Variants in GRM5 observed in about 807,000 individuals in gnomAD.
GRM5 encodes glutamate metabotropic receptor 5.
In GRM5, 19 loss-of-function variants were observed where a neutral mutation model predicts 83.1. The observed-to-expected ratio is 0.23, with a 90% CI of 0.16 to 0.34. The LOEUF (loss-of-function observed/expected upper bound fraction) is 0.34. Among genes scored for constraint, GRM5 ranks in the 10% least tolerant of loss-of-function variants. GRM5 has a pLI of 1.00. For synonymous variants in GRM5, 675 were observed against 633.6 expected (o/e 1.07, Z -0.98); for missense variants, 1,160 against 1,588.3 (o/e 0.73, Z 4.58).
intron 2 of GRM5, among the ~76,000 whole-genome samples, chr11:89,035,699 T>C (rs1170962929): frequency 6.6e-6 from 1 of 152,132 alleles, no homozygotes; most frequent in East Asian, 1.9e-4. Flanking sequence ...TATCACTTTA[T>C]AGAATAAAGG....
intron 4 of GRM5, among the ~76,000 whole-genome samples, chr11:88,617,108 G>A (rs1938505868): frequency 6.6e-6 from 1 of 152,192 alleles, no homozygotes; most frequent in Admixed American, 6.5e-5. Flanking sequence ...TTGTAGAACA[G>A]CACTTGTTTA....
chr11:88,910,608 A>G (rs1331278028), intron 2 of GRM5, among the ~76,000 whole-genome samples: 1 of 152,042 alleles, frequency 6.6e-6, no homozygotes, highest in East Asian at 1.9e-4. Context: ...TTAGACAAAA[A>G]CCTGAACAAT....
intron 2 of GRM5, among the ~76,000 whole-genome samples, chr11:88,984,046 T>C (rs900870965): frequency 1.3e-5 from 2 of 152,186 alleles, no homozygotes; most frequent in East Asian, 1.9e-4. Flanking sequence ...ATTATGATAA[T>C]AAAAAACTTA....
chr11:88,529,596 G>C (rs1941960645), intron 8 of GRM5, among the ~76,000 whole-genome samples: 1 of 151,886 alleles, frequency 6.6e-6, no homozygotes, highest in African/African-American at 2.4e-5. Context: ...ATGTCATTGT[G>C]GAATCCTTAT....
At chr11:88,598,591 C>T (rs1937886826) in intron 5 of GRM5, among the ~76,000 whole-genome samples, 1 of 152,142 alleles carries the variant, frequency 6.6e-6, no homozygotes, top group Admixed American at 6.5e-5. Flanking sequence ...TTCCTTCCCT[C>T]TCGGTCACAA....
At chr11:88,671,492 T>C (rs1433726875) in intron 3 of GRM5, among the ~76,000 whole-genome samples, 1 of 152,036 alleles carries the variant, frequency 6.6e-6, no homozygotes, top group Non-Finnish European at 1.5e-5. Context: ...GTAGCACTAT[T>C]TGAAATAGTC....
intron 3 of GRM5, among the ~76,000 whole-genome samples, chr11:88,725,050 C>A (rs1400134474): frequency 6.6e-6 from 1 of 152,094 alleles, no homozygotes; most frequent in Non-Finnish European, 1.5e-5. Context: ...GATACAGAAC[C>A]ATTCACTCCC....
chr11:89,059,712 G>C (rs1349965859), intron 1 of GRM5, among the ~76,000 whole-genome samples: 4 of 151,938 alleles, frequency 2.6e-5, no homozygotes, highest in Non-Finnish European at 5.9e-5. Flanking sequence ...CAAAGGCCTG[G>C]GTAGGATTGA....
chr11:88,762,833 T>C (rs1349824192), intron 3 of GRM5, among the ~76,000 whole-genome samples: 1 of 151,990 alleles, frequency 6.6e-6, no homozygotes, highest in East Asian at 1.9e-4. Flanking sequence ...TGGAGTACTA[T>C]GCAGTCATAA....
At chr11:88,724,206 C>A (rs1210353545) in intron 3 of GRM5, among the ~76,000 whole-genome samples, 1 of 152,168 alleles carries the variant, frequency 6.6e-6, no homozygotes, top group East Asian at 1.9e-4. Context: ...TGTTACTAAT[C>A]TGCCACTGAG....
chr11:88,603,879 G>C (rs1938070215), intron 5 of GRM5, among the ~76,000 whole-genome samples: 1 of 152,180 alleles, frequency 6.6e-6, no homozygotes, highest in African/African-American at 2.4e-5. Flanking sequence ...AGTTTTCCAA[G>C]CACAGTTGTT....
At chr11:88,536,595 A>G (rs971804155) in intron 8 of GRM5, among the ~76,000 whole-genome samples, 1 of 152,138 alleles carries the variant, frequency 6.6e-6, no homozygotes, top group Non-Finnish European at 1.5e-5. Flanking sequence ...AGCACATTCA[A>G]TTCTGTTCCC....
intron 2 of GRM5, among the ~76,000 whole-genome samples, chr11:88,978,510 A>AAAAAAAAAAAC (rs1939414843): frequency 7.3e-6 from 1 of 137,788 alleles, no homozygotes; most frequent in African/African-American, 3.1e-5. Flanking sequence ...AAAAAAAAAA[A>AAAAAAAAAAAC]AAAAAACCTC....
intron 4 of GRM5, among the ~76,000 whole-genome samples, chr11:88,621,442 G>T (rs1392130632): frequency 6.6e-6 from 1 of 152,006 alleles, no homozygotes; most frequent in Non-Finnish European, 1.5e-5. Context: ...TTTTTTCAGG[G>T]CTCCCTCACT....
chr11:88,870,038 G>T (rs1376929110), intron 2 of GRM5, among the ~76,000 whole-genome samples: 2 of 151,536 alleles, frequency 1.3e-5, no homozygotes, highest in Non-Finnish European at 3.0e-5. Context: ...CTAGGGAGAG[G>T]TTAGAACTTT....
intron 2 of GRM5, among the ~76,000 whole-genome samples, chr11:88,890,929 G>T (rs1385826562): frequency 1.3e-5 from 2 of 152,084 alleles, no homozygotes; most frequent in Non-Finnish European, 2.9e-5. Flanking sequence ...TTTAGTAAAG[G>T]ATTATAAGAA....
intron 3 of GRM5, among the ~76,000 whole-genome samples, chr11:88,822,585 A>G (rs1204694354): frequency 1.6e-4 from 24 of 152,208 alleles, no homozygotes; most frequent in Admixed American, 1.5e-3. Context: ...TAAGAACTCA[A>G]ACAAATTCAG....
chr11:88,920,373 C>T (rs1848448), intron 2 of GRM5, among the ~76,000 whole-genome samples: 5,326 of 139,564 alleles, frequency 0.038, 167 homozygotes, highest in African/African-American at 0.081. Context: ...AGACCAATAA[C>T]AAGTAAGAAG....
chr11:88,900,864 TC>T (rs1334108777), intron 2 of GRM5, among the ~76,000 whole-genome samples: 2 of 152,154 alleles, frequency 1.3e-5, no homozygotes, highest in African/African-American at 4.8e-5. Context: ...GGGATGGTTT[TC>T]TGGGAAAATG....
Sources: gnomAD v4.1 joint callset for allele counts (sites outside exome capture counted in the v4.1 genomes callset) on GRCh38, gnomAD v4.1.1 for gene constraint, MANE v1.5 for transcripts, NCBI Gene and HGNC (gene_info 2026-07-23, HGNC 2026-07-21) for gene names.